TSNARE1: variants seen among roughly 807,000 people sequenced by gnomAD.
TSNARE1 encodes t-SNARE domain containing 1.
TSNARE1 carries 49 observed loss-of-function variants against 62.0 expected under a neutral mutation model. The ratio of observed to expected loss-of-function variants is 0.79; its 90% CI spans 0.63 to 1.00. The LOEUF is 1.00. TSNARE1 is among the 50% of genes least tolerant of loss of function. The pLI, the probability that TSNARE1 is intolerant of heterozygous loss-of-function variation, is 0.00. For missense variants in TSNARE1, 755 were observed against 700.1 expected (o/e 1.08, Z -0.88); for synonymous variants, 328 against 294.4 (o/e 1.11, Z -1.17).
chr8:142,276,750 C>T (rs1820569416), intron 11 of TSNARE1: 1 of 985,270 alleles, frequency 1.0e-6, no homozygotes, highest in Admixed American at 6.2e-5. Context: ...ACCTGGAGGC[C>T]CACCCTCAGA....
rs1259912646 is a variant in TSNARE1 at position 142,319,382 on chromosome 8, G to A, written c.894-748C>T. 2.0e-5 allele frequency among the ~76,000 whole-genome samples: 3 copies of A among 152,130 alleles called. No homozygotes were observed. In the East Asian group the frequency reaches 5.8e-4, roughly 30 times the overall value. On this transcript the variant is annotated intron_variant, in intron 6 of 13. Coordinates refer to ENST00000524325, the MANE Select transcript of TSNARE1 (RefSeq NM_145003.5). This position sits in a 1 kb window ranked among gnomAD's most constrained non-coding sequence, Gnocchi z 4.9. ...GACGGTTCTCACACCCAGACCCAGGGAGACACAAGGAGGCCAGGACAGTCC... is the reference window on the plus strand; with the variant it reads ...GACGGTTCTCACACCCAGACCCAGGAAGACACAAGGAGGCCAGGACAGTCC...
chr8:142,287,574 G>A (rs1250834757), intron 10 of TSNARE1, among the ~76,000 whole-genome samples: 68 of 122,818 alleles, frequency 5.5e-4, no homozygotes, highest in South Asian at 1.8e-3. Flanking sequence ...CCAGGACCCC[G>A]GCCAGATCTC....
At chr8:142,239,028 C>T (rs188762195) in intron 12 of TSNARE1, among the ~76,000 whole-genome samples, 19 of 152,238 alleles carry the variant, frequency 1.2e-4, no homozygotes, top group African/African-American at 4.1e-4. Context: ...ACTTGGTAAA[C>T]AAATGTGCAG....
At chr8:142,222,860 C>T (rs1294958244) in intron 13 of TSNARE1, among the ~76,000 whole-genome samples, 14 of 131,598 alleles carry the variant, frequency 1.1e-4, no homozygotes, top group South Asian at 2.7e-4. Context: ...ACTCACTCAT[C>T]CACTCACTCA....
chr8:142,278,134 C>T, intron 11 of TSNARE1: 1 of 985,374 alleles, frequency 1.0e-6, no homozygotes, highest in African/African-American at 1.7e-5. Flanking sequence ...ATCCCCCAAG[C>T]CCCACCACAA....
chr8:142,266,397 C>G (rs1586900938), intron 12 of TSNARE1, among the ~76,000 whole-genome samples: 2 of 152,146 alleles, frequency 1.3e-5, no homozygotes, highest in African/African-American at 4.8e-5. Flanking sequence ...TTTGGAAACC[C>G]CTTTTCATGA....
chr8:142,367,970 C>T (rs964049150), intron 1 of TSNARE1, among the ~76,000 whole-genome samples: 4 of 151,936 alleles, frequency 2.6e-5, no homozygotes, highest in African/African-American at 9.7e-5. Flanking sequence ...AAAGATAAAA[C>T]AATCAAAGTA....
chr8:142,328,251 T>C (rs1340374412), intron 6 of TSNARE1, among the ~76,000 whole-genome samples: 2 of 152,236 alleles, frequency 1.3e-5, no homozygotes, highest in African/African-American at 4.8e-5. Context: ...CTGTTAGATA[T>C]AAGGGAGTAA....
At chr8:142,316,574 T>C (rs1296673585) in intron 7 of TSNARE1, among the ~76,000 whole-genome samples, 1 of 151,802 alleles carries the variant, frequency 6.6e-6, no homozygotes, top group African/African-American at 2.4e-5. Context: ...CTCTTAGTTG[T>C]ACAGCCATCC....
chr8:142,315,642 C>A (rs1300907759), intron 7 of TSNARE1, among the ~76,000 whole-genome samples: 1 of 151,920 alleles, frequency 6.6e-6, no homozygotes. Flanking sequence ...TGGACACGCA[C>A]GGAGCCGGGG....
At chr8:142,269,388 C>CCAGCACCAGAG (rs1261858849) in intron 12 of TSNARE1, 1 of 974,570 alleles carries the variant, frequency 1.0e-6, no homozygotes, top group African/African-American at 1.8e-5. Context: ...TGGGGCTCAG[C>CCAGCACCAGAG]TAGCACCAGA....
At position 142,285,875 on chromosome 8, in the gene TSNARE1, C is replaced by T. The variant is rs542523716; in HGVS notation, c.1291-1390G>A. 1.8e-4 allele frequency among the ~76,000 whole-genome samples: 28 copies of T among 152,298 alleles called. No individual in the cohort carries two copies. In the East Asian group the frequency reaches 5.2e-3, roughly 28 times the overall value. ...ACGTGGCCACGCCACTCTCAGAGCA[C>T]ACACCTGGGCTGTGCTTCAGGCAAG... On this transcript the variant is annotated intron_variant, in intron 10 of 13. Transcript: ENST00000524325.
intron 12 of TSNARE1, among the ~76,000 whole-genome samples, chr8:142,266,246 C>T (rs1819127904): frequency 6.6e-6 from 1 of 152,240 alleles, no homozygotes. Context: ...ACAAATTAGA[C>T]ATTCTAGTAA....
rs542267212 is a variant in TSNARE1 at position 142,328,837 on chromosome 8, G to A, written c.893+2064C>T. On this transcript the variant is annotated intron_variant, in intron 6 of 13. Coordinates refer to ENST00000524325, the MANE Select transcript of TSNARE1 (RefSeq NM_145003.5). ...GGCCTTTGGGGGGGGGGAGGGTTCC[G>A]CACACAGGTGACAGAAATGACCTGG... 3.7e-3 allele frequency among the ~76,000 whole-genome samples: 542 copies of A among 147,558 alleles called. 11 individuals carry two copies. The highest frequency in any genetic ancestry group is 3.4e-3 in the African/African-American group (134 of 39,256).
intron 12 of TSNARE1, among the ~76,000 whole-genome samples, chr8:142,230,815 T>C (rs1817070191): frequency 6.6e-6 from 1 of 150,864 alleles, no homozygotes; most frequent in Admixed American, 6.6e-5. Context: ...CACCCACTCA[T>C]CCATCCATCC....
chr8:142,292,040 C>T (rs1222614049), intron 10 of TSNARE1, among the ~76,000 whole-genome samples: 1 of 151,926 alleles, frequency 6.6e-6, no homozygotes, highest in Non-Finnish European at 1.5e-5. Context: ...CGGCTTCCTT[C>T]TGGCTCTGCC....
At chr8:142,371,929 C>T (rs1835945756) in intron 1 of TSNARE1, among the ~76,000 whole-genome samples, 1 of 152,184 alleles carries the variant, frequency 6.6e-6, no homozygotes, top group Non-Finnish European at 1.5e-5. Context: ...TGGGGCAGAG[C>T]TGGGTAGCTG....
At chr8:142,219,066 G>A (rs937983128) in intron 13 of TSNARE1, among the ~76,000 whole-genome samples, 1 of 152,130 alleles carries the variant, frequency 6.6e-6, no homozygotes, top group Non-Finnish European at 1.5e-5. Flanking sequence ...GCTGCGGTTA[G>A]AAAACAAAAC....
intron 1 of TSNARE1, among the ~76,000 whole-genome samples, chr8:142,393,004 G>A (rs1255286279): frequency 2.6e-5 from 4 of 151,528 alleles, no homozygotes; most frequent in Non-Finnish European, 4.4e-5. Flanking sequence ...TGGAGATGAC[G>A]GCTGGGCCGG....
Sources: allele counts gnomAD v4.1 joint callset (sites outside exome capture counted in the v4.1 genomes callset), GRCh38; gene constraint gnomAD v4.1.1; non-coding constraint Gnocchi (gnomAD v3.1); transcripts MANE v1.5; gene names NCBI Gene and HGNC (gene_info 2026-07-23, HGNC 2026-07-21).